The following DKK2 variants were observed in gnomAD, a reference collection of about 807,000 sequenced individuals.
The protein encoded by DKK2 is dickkopf-related protein 2.
DKK2 carries 11 observed loss-of-function variants against 28.1 expected under a neutral mutation model. The observed-to-expected ratio is 0.39, with a 90% confidence interval of 0.25 to 0.65. The LOEUF (loss-of-function observed/expected upper bound fraction) is 0.65, where lower values mean the gene tolerates loss of function less well. DKK2 is among the 30% of genes least tolerant of loss of function. DKK2 has a pLI of 0.47. For synonymous variants in DKK2, 135 were observed against 126.5 expected (o/e 1.07, Z -0.45); for missense variants, 326 against 335.5 (o/e 0.97, Z 0.22).
At chr4:107,016,076 T>C (rs1723599859) in intron 1 of DKK2, among the ~76,000 whole-genome samples, 1 of 151,810 alleles carries the variant, frequency 6.6e-6, no homozygotes, top group African/African-American at 2.4e-5. Flanking sequence ...AAATAAGGCC[T>C]GCTCTTCCAA....
intron 1 of DKK2, among the ~76,000 whole-genome samples, chr4:106,980,691 GTTTA>G (rs1182658604): frequency 3.9e-5 from 6 of 152,086 alleles, no homozygotes; most frequent in African/African-American, 1.4e-4. Context: ...AGCATTATCT[GTTTA>G]TTTGTCAACA....
At chr4:106,957,370 A>T (rs1193497639) in intron 1 of DKK2, among the ~76,000 whole-genome samples, 2 of 152,010 alleles carry the variant, frequency 1.3e-5, no homozygotes, top group East Asian at 3.9e-4. Flanking sequence ...CTAGAACTAG[A>T]AATACCATTT....
chr4:106,933,705 C>T (rs1724534395), intron 1 of DKK2, among the ~76,000 whole-genome samples: 1 of 152,126 alleles, frequency 6.6e-6, no homozygotes, highest in Admixed American at 6.5e-5. Context: ...ATTATATGCT[C>T]TTCTTTGTAT....
At chr4:106,979,607 T>A (rs1722997159) in intron 1 of DKK2, among the ~76,000 whole-genome samples, 1 of 152,156 alleles carries the variant, frequency 6.6e-6, no homozygotes, top group Non-Finnish European at 1.5e-5. Flanking sequence ...TACTCCATGG[T>A]AAATTACATA....
At chr4:106,998,901 A>T (rs1001104356) in intron 1 of DKK2, among the ~76,000 whole-genome samples, 2 of 152,242 alleles carry the variant, frequency 1.3e-5, no homozygotes, top group African/African-American at 4.8e-5. Flanking sequence ...TGATAAAAAT[A>T]GCTCACTGAA....
chr4:106,950,822 G>A lies in DKK2; in HGVS notation c.223-24873C>T, dbSNP rs537354415. ...TACATAATCCATAAGTGTACACATTGCTAAATTTTCCACGAAGTTAACACA... is the reference window on the plus strand; with the variant it reads ...TACATAATCCATAAGTGTACACATTACTAAATTTTCCACGAAGTTAACACA... On this transcript the variant is annotated intron_variant, in intron 1 of 3. Transcript: ENST00000285311. Among the ~76,000 whole-genome samples the A allele has an allele frequency of 1.1e-3, 164 of 152,166 alleles. 5 individuals are homozygous for A. In the South Asian group the frequency reaches 0.019, roughly 17 times the overall value.
chr4:107,031,607 A>G (rs1449280405), intron 1 of DKK2, among the ~76,000 whole-genome samples: 1 of 152,064 alleles, frequency 6.6e-6, no homozygotes, highest in Non-Finnish European at 1.5e-5. Flanking sequence ...TTTTAGAAAC[A>G]CATGCCAGAA....
At chr4:106,932,574 G>T (rs1253857695) in intron 1 of DKK2, among the ~76,000 whole-genome samples, 2 of 152,068 alleles carry the variant, frequency 1.3e-5, no homozygotes, top group East Asian at 3.9e-4. Context: ...GCTCTTGATT[G>T]TTTTTGTTTG....
chr4:107,007,821 T>C (rs150088030), intron 1 of DKK2, among the ~76,000 whole-genome samples: 246 of 152,276 alleles, frequency 1.6e-3, no homozygotes, highest in African/African-American at 5.6e-3. Flanking sequence ...CTGGTGTGGA[T>C]AAAGTCATAA....
At chr4:106,983,375 GAA>G (rs1241263727) in intron 1 of DKK2, among the ~76,000 whole-genome samples, 40 of 115,124 alleles carry the variant, frequency 3.5e-4, no homozygotes, top group African/African-American at 1.1e-3. Context: ...AAAGAAGAAA[GAA>G]AAGAAAGAAA....
In DKK2 at chr4:107,034,168, C is replaced by T. The variant is rs193220873; in HGVS notation, c.222+1202G>A. On this transcript the variant is annotated intron_variant, in intron 1 of 3. Coordinates refer to ENST00000285311, the MANE Select transcript of DKK2 (RefSeq NM_014421.3). Reference sequence around the variant, plus strand: ...TGTCTCTCTGTCCATCCCAGAATGGCTCGGCCCTCTCAACCAACCTTCAGC... The same window carrying T: ...TGTCTCTCTGTCCATCCCAGAATGGTTCGGCCCTCTCAACCAACCTTCAGC... 4.2e-3 allele frequency among the ~76,000 whole-genome samples: 646 copies of T among 152,194 alleles called. 4 individuals are homozygous for T. The highest frequency in any genetic ancestry group is 0.014 in the African/African-American group (565 of 41,524).
At chr4:107,018,402 G>T (rs1303077319) in intron 1 of DKK2, among the ~76,000 whole-genome samples, 1 of 152,054 alleles carries the variant, frequency 6.6e-6, no homozygotes, top group Non-Finnish European at 1.5e-5. Context: ...TCTTAAAAGA[G>T]AAAGCTCAGA....
chr4:106,983,697 C>G (rs1379606042), intron 1 of DKK2, among the ~76,000 whole-genome samples: 1 of 152,104 alleles, frequency 6.6e-6, no homozygotes, highest in East Asian at 1.9e-4. Context: ...GAAAATGTTT[C>G]CAAACCACAT....
At chr4:106,938,988 A>G (rs1398201498) in intron 1 of DKK2, among the ~76,000 whole-genome samples, 2 of 151,970 alleles carry the variant, frequency 1.3e-5, no homozygotes, top group Non-Finnish European at 2.9e-5. Flanking sequence ...ATCTATGACA[A>G]ACCCACAGCC....
intron 1 of DKK2, among the ~76,000 whole-genome samples, chr4:106,965,488 CTTGTTTTTTATATTTATATAA>C (rs1722762974): frequency 6.6e-6 from 1 of 151,996 alleles, no homozygotes; most frequent in Non-Finnish European, 1.5e-5. Context: ...TATAACCTCC[CTTGTTTTTTATATTTATATAA>C]TTATTTCTGT....
intron 1 of DKK2, among the ~76,000 whole-genome samples, chr4:106,936,710 C>G (rs1446107310): frequency 6.6e-6 from 1 of 152,110 alleles, no homozygotes; most frequent in African/African-American, 2.4e-5. Flanking sequence ...TAAGGGCAGC[C>G]AGAGAGAAAG....
chr4:107,026,267 C>T (rs1035112585), intron 1 of DKK2, among the ~76,000 whole-genome samples: 6 of 151,944 alleles, frequency 3.9e-5, no homozygotes, highest in South Asian at 2.1e-4. Context: ...AATATTCAAA[C>T]GTTTTAAAAG....
chr4:107,011,283 T>C (rs573966253), intron 1 of DKK2, among the ~76,000 whole-genome samples: 53 of 151,658 alleles, frequency 3.5e-4, no homozygotes, highest in Middle Eastern at 3.4e-3. Flanking sequence ...GATTTTGTAA[T>C]ATCATTCATT....
At chr4:106,969,407 T>C (rs1722829813) in intron 1 of DKK2, among the ~76,000 whole-genome samples, 1 of 151,966 alleles carries the variant, frequency 6.6e-6, no homozygotes, top group Admixed American at 6.6e-5. Flanking sequence ...ATCTATCACT[T>C]CCTATGCTTC....
Sources: allele counts gnomAD v4.1 joint callset (sites outside exome capture counted in the v4.1 genomes callset), GRCh38; gene constraint gnomAD v4.1.1; transcripts MANE v1.5; gene names NCBI Gene and HGNC (gene_info 2026-07-23, HGNC 2026-07-21).